TBC1D31: variants seen among roughly 807,000 people sequenced by gnomAD.
TBC1D31 encodes WD repeat domain 67.
In TBC1D31, 99 loss-of-function variants were observed where a neutral mutation model predicts 132.9. The observed-to-expected ratio is 0.74, with a 90% CI of 0.63 to 0.88. TBC1D31 has a LOEUF of 0.88. Among genes scored for constraint, TBC1D31 ranks in the 40% least tolerant of loss-of-function variants. The probability of loss-of-function intolerance (pLI) is 0.00; values close to 1 mark genes in which losing one functional copy is unlikely to be tolerated. For missense variants in TBC1D31, 1,134 were observed against 1,256.6 expected (o/e 0.90, Z 1.48); for synonymous variants, 385 against 419.4 (o/e 0.92, Z 1.00).
chr8:123,135,162 A>G (rs1180454089), intron 17 of TBC1D31, among the ~76,000 whole-genome samples: 1 of 152,228 alleles, frequency 6.6e-6, no homozygotes, highest in Non-Finnish European at 1.5e-5. Flanking sequence ...GGCCTCCCGA[A>G]GTGCTAGGAT....
chr8:123,142,450 C>T lies in TBC1D31; in HGVS notation c.2829C>T (p.Ala943=). 6.5e-7 allele frequency: 1 copy of T among 1,539,912 alleles called. No homozygotes were observed. The highest frequency in any genetic ancestry group is 8.7e-7 in the Non-Finnish European group (1 of 1,148,608). ...EIINAMVEEE[A]KKWKEAEGKE... is the part of the protein sequence containing the mutation. ...TAAATGCAATGGTGGAGGAGGAAGC[C>T]AAGAAGGTAAAAAATAGTGTTATAA... The change falls in exon 19 of 22, where the codon GCC becomes GCT. Residue 943 remains alanine (A), a synonymous_variant. Coordinates refer to ENST00000287380, the MANE Select transcript of TBC1D31 (RefSeq NM_145647.4).
In TBC1D31 at chr8:123,134,168, C is replaced by T. The variant is rs1428527436; in HGVS notation, c.2461C>T (p.Gln821Ter). 1.4e-5 allele frequency: 23 copies of T among 1,613,786 alleles called. No individual in the cohort carries two copies. Among genetic ancestry groups the T allele is most frequent in the Non-Finnish European group, 1.8e-5 (21 of 1,179,902 alleles). The stretch of plus-strand genomic sequence containing the variant: ...CACAGCCAGAGACCTAGAAATGAGA[C>T]AGCTGGAACTCGAATCACAAAAGAG... The part of the protein sequence containing the change: ...AATARDLEMR[Q>*]LELESQKRLY... The change falls in exon 17 of 22, where the codon CAG (glutamine) becomes TAG (stop). Residue 821 changes from glutamine to a stop codon, truncating the protein, a stop_gained. Coordinates refer to ENST00000287380, the MANE Select transcript of TBC1D31 (RefSeq NM_145647.4). LOFTEE classifies it high-confidence loss of function.
At chr8:123,114,224 G>T (rs2130611618) in intron 10 of TBC1D31, among the ~76,000 whole-genome samples, 1 of 152,296 alleles carries the variant, frequency 6.6e-6, no homozygotes, top group Admixed American at 6.5e-5. Flanking sequence ...CCAGGCGACA[G>T]GCTCATGGGG....
rs186439069 is a variant in TBC1D31 at position 123,130,714 on chromosome 8, C to T, written c.2406+381C>T. 9.7e-4 allele frequency among the ~76,000 whole-genome samples: 147 copies of T among 151,322 alleles called. No homozygotes were observed. The East Asian group carries it at 0.024, about 25-fold the overall frequency. On this transcript the variant is annotated intron_variant, in intron 16 of 21. Transcript: ENST00000287380. ...TCAGCTCAGTGCAACCTCCGCCTCCCGGGTTCAAGTGATTCTCCTGCCTCA... is the reference window on the plus strand; with the variant it reads ...TCAGCTCAGTGCAACCTCCGCCTCCTGGGTTCAAGTGATTCTCCTGCCTCA...
At chr8:123,145,773 C>T (rs1219059794) in intron 20 of TBC1D31, among the ~76,000 whole-genome samples, 1 of 150,922 alleles carries the variant, frequency 6.6e-6, no homozygotes, top group Non-Finnish European at 1.5e-5. Flanking sequence ...TATTTTGTTT[C>T]AGTCTTTTAT....
intron 5 of TBC1D31, among the ~76,000 whole-genome samples, 155 bp from the exon 6 acceptor site, chr8:123,097,127 C>G (rs1816908215): frequency 6.6e-6 from 1 of 152,170 alleles, no homozygotes; most frequent in Admixed American, 6.5e-5. Context: ...TTAACATTAG[C>G]CACATTTCAA....
the TBC1D31 span, among the ~76,000 whole-genome samples, chr8:123,161,341 C>G: frequency 6.6e-6 from 1 of 152,244 alleles, no homozygotes; most frequent in African/African-American, 2.4e-5. Flanking sequence ...CTCCTTCTCC[C>G]ACCCTCCTCC....
At chr8:123,104,705 A>G (rs868176518) in intron 7 of TBC1D31, among the ~76,000 whole-genome samples, 3 of 152,180 alleles carry the variant, frequency 2.0e-5, no homozygotes, top group Admixed American at 1.3e-4. Context: ...GATGGGCCCC[A>G]TAAAAATGAA....
chr8:123,089,630 C>A (rs1816137631), intron 4 of TBC1D31, among the ~76,000 whole-genome samples: 1 of 152,162 alleles, frequency 6.6e-6, no homozygotes. Flanking sequence ...ATCACTTGAA[C>A]CCAGGAGGCA....
At chr8:123,132,403 CTTTTTTTTTTT>C (rs34901750) in intron 16 of TBC1D31, among the ~76,000 whole-genome samples, 4 of 55,440 alleles carry the variant, frequency 7.2e-5, no homozygotes, top group African/African-American at 2.2e-4. Flanking sequence ...TTTTTTAAGT[CTTTTTTTTTTT>C]TTTTTTTTTT....
downstream of TBC1D31, among the ~76,000 whole-genome samples, chr8:123,155,687 C>T (rs1822970345): frequency 1.3e-5 from 2 of 152,148 alleles, no homozygotes; most frequent in Admixed American, 6.5e-5. The surrounding 1 kb of genome is among the most constrained non-coding windows in gnomAD (Gnocchi z 4.1). Flanking sequence ...AGGCCAGGTC[C>T]CCCTGAGGAA....
At chr8:123,129,243 A>T in intron 15 of TBC1D31, 25 bp downstream of exon 15, 1 of 1,449,952 alleles carries the variant, frequency 6.9e-7, no homozygotes, top group South Asian at 1.5e-5. Flanking sequence ...TTTAAAAAAA[A>T]ATCTGGACAT....
intron 4 of TBC1D31, among the ~76,000 whole-genome samples, chr8:123,091,687 T>G (rs965892769): frequency 6.6e-6 from 1 of 152,330 alleles, no homozygotes; most frequent in Non-Finnish European, 1.5e-5. Flanking sequence ...TAGTGCATTA[T>G]ATATGTGTGT....
chr8:123,111,323 A>G (rs1010288468), intron 10 of TBC1D31, among the ~76,000 whole-genome samples: 4 of 152,236 alleles, frequency 2.6e-5, no homozygotes, highest in African/African-American at 9.6e-5. Context: ...TCTCCAAAGA[A>G]AAAGTTCTTA....
At chr8:123,135,148 C>A (rs1820965792) in intron 17 of TBC1D31, among the ~76,000 whole-genome samples, 1 of 152,232 alleles carries the variant, frequency 6.6e-6, no homozygotes, top group South Asian at 2.1e-4. Context: ...AATCTGCACA[C>A]CTCGGCCTCC....
chr8:123,114,391 G>T (rs560393543), intron 10 of TBC1D31, among the ~76,000 whole-genome samples: 1 of 152,070 alleles, frequency 6.6e-6, no homozygotes, highest in African/African-American at 2.4e-5. Flanking sequence ...TGCCATCTTG[G>T]CTCACTGTAA....
intron 8 of TBC1D31, 110 bp downstream of exon 8, chr8:123,105,574 A>G: frequency 1.0e-6 from 1 of 976,666 alleles, no homozygotes; most frequent in Non-Finnish European, 1.4e-6. Context: ...AAAGAGAATA[A>G]AATGAAGAGA....
intron 8 of TBC1D31, among the ~76,000 whole-genome samples, chr8:123,108,915 T>C (rs1319043218): frequency 6.6e-6 from 1 of 151,980 alleles, no homozygotes; most frequent in Non-Finnish European, 1.5e-5. Context: ...AACAAAACCA[T>C]CAGATCTCGT....
intron 11 of TBC1D31, among the ~76,000 whole-genome samples, chr8:123,125,730 A>C (rs1488961476): frequency 6.6e-6 from 1 of 152,170 alleles, no homozygotes; most frequent in Non-Finnish European, 1.5e-5. Flanking sequence ...GGCCCTTTTT[A>C]AAAAGATCAT....
Sources: allele counts gnomAD v4.1 joint callset (sites outside exome capture counted in the v4.1 genomes callset), GRCh38; gene constraint gnomAD v4.1.1; non-coding constraint Gnocchi (gnomAD v3.1); transcripts MANE v1.5; gene names NCBI Gene and HGNC (gene_info 2026-07-23, HGNC 2026-07-21).